GALNT13: variants seen among roughly 807,000 people sequenced by gnomAD.
GALNT13 encodes polypeptide N-acetylgalactosaminyltransferase 13.
A neutral mutation model predicts 64.2 loss-of-function variants in GALNT13; 28 were observed. That is an observed-to-expected ratio of 0.44 (90% confidence interval 0.32 to 0.60). The LOEUF (loss-of-function observed/expected upper bound fraction) is 0.60, where lower values mean the gene tolerates loss of function less well. Among genes scored for constraint, GALNT13 ranks in the 20% least tolerant of loss-of-function variants. The probability of loss-of-function intolerance (pLI) is 0.05; values close to 1 mark genes in which losing one functional copy is unlikely to be tolerated. For synonymous variants in GALNT13, 214 were observed against 224.6 expected (o/e 0.95, Z 0.42); for missense variants, 577 against 669.8 (o/e 0.86, Z 1.53).
the GALNT13 span, among the ~76,000 whole-genome samples, chr2:153,726,291 A>G: frequency 6.6e-6 from 1 of 152,170 alleles, no homozygotes; most frequent in Non-Finnish European, 1.5e-5. Context: ...ATGTTAAGTC[A>G]ACGCTGTCTT....
At chr2:154,060,166 T>G (rs6751984) in intron 3 of GALNT13, among the ~76,000 whole-genome samples, 113,635 of 151,852 alleles carry the variant, frequency 0.75, 42,898 homozygotes, top group East Asian at 0.96. Flanking sequence ...GAATTGAATT[T>G]CTAGCTCCTT....
chr2:153,768,378 T>A, the GALNT13 span, among the ~76,000 whole-genome samples: 69 of 152,200 alleles, frequency 4.5e-4, no homozygotes, highest in African/African-American at 1.7e-3. Context: ...TGTTTAGTGA[T>A]GTCACTGGGG....
intron 11 of GALNT13, among the ~76,000 whole-genome samples, chr2:154,428,844 C>T (rs898284328): frequency 6.6e-6 from 1 of 150,920 alleles, no homozygotes; most frequent in Non-Finnish European, 1.5e-5. Context: ...TGCAGTGGCG[C>T]GATCTCTGCT....
chr2:153,627,988 G>A, the GALNT13 span, among the ~76,000 whole-genome samples: 1 of 152,146 alleles, frequency 6.6e-6, no homozygotes, highest in Non-Finnish European at 1.5e-5. Flanking sequence ...CATGAGCATG[G>A]AATGTTCTTC....
At chr2:153,775,743 T>C in the GALNT13 span, among the ~76,000 whole-genome samples, 1 of 152,150 alleles carries the variant, frequency 6.6e-6, no homozygotes, top group South Asian at 2.1e-4. Context: ...TGTGCACTTA[T>C]TTAAGAGCAA....
chr2:154,139,211 T>C (rs1261394890), intron 3 of GALNT13, among the ~76,000 whole-genome samples: 3 of 152,090 alleles, frequency 2.0e-5, no homozygotes, highest in Non-Finnish European at 4.4e-5. Context: ...GTTTTGTGGC[T>C]ATGATGGTTG....
At chr2:153,677,393 A>G in the GALNT13 span, among the ~76,000 whole-genome samples, 1 of 151,994 alleles carries the variant, frequency 6.6e-6, no homozygotes, top group Non-Finnish European at 1.5e-5. Flanking sequence ...AACACTGCTT[A>G]AATAAATCAG....
At chr2:154,167,030 G>A (rs1685069490) in intron 4 of GALNT13, among the ~76,000 whole-genome samples, 1 of 152,058 alleles carries the variant, frequency 6.6e-6, no homozygotes, top group African/African-American at 2.4e-5. Context: ...TAATGTAAAT[G>A]ATGAGTTAAT....
chr2:153,092,517 C>T, the GALNT13 span, among the ~76,000 whole-genome samples: 1 of 152,096 alleles, frequency 6.6e-6, no homozygotes, highest in Non-Finnish European at 1.5e-5. Flanking sequence ...CAATTTCTTT[C>T]ATCAGTGTTT....
intron 4 of GALNT13, among the ~76,000 whole-genome samples, chr2:154,148,814 A>G (rs1683785178): frequency 6.6e-6 from 1 of 151,930 alleles, no homozygotes; most frequent in African/African-American, 2.4e-5. Flanking sequence ...TTCATTGTAG[A>G]TTGTGGATAT....
chr2:153,134,711 A>G, the GALNT13 span, among the ~76,000 whole-genome samples: 22 of 152,158 alleles, frequency 1.4e-4, 1 homozygote, highest in South Asian at 3.7e-3. Flanking sequence ...CTATGCTTCA[A>G]TATTCCCTCC....
At chr2:153,719,871 G>A in the GALNT13 span, among the ~76,000 whole-genome samples, 124 of 152,096 alleles carry the variant, frequency 8.2e-4, no homozygotes, top group Admixed American at 1.4e-3. Flanking sequence ...CAAGGCGGCA[G>A]CGAGGCTGGG....
chr2:154,381,081 A>G (rs1698248263), intron 9 of GALNT13, among the ~76,000 whole-genome samples: 1 of 152,070 alleles, frequency 6.6e-6, no homozygotes, highest in African/African-American at 2.4e-5. Context: ...CTGGATTAGA[A>G]GCAAGTCATA....
chr2:153,814,297 G>A, the GALNT13 span, among the ~76,000 whole-genome samples: 387 of 152,226 alleles, frequency 2.5e-3, 2 homozygotes, highest in African/African-American at 8.8e-3. Flanking sequence ...AAAATTAACT[G>A]GGCGCGGTGG....
chr2:153,291,039 A>C, the GALNT13 span, among the ~76,000 whole-genome samples: 1 of 152,134 alleles, frequency 6.6e-6, no homozygotes, highest in Non-Finnish European at 1.5e-5. Context: ...AAGTCTTAGC[A>C]AAAAAAGAAA....
chr2:153,384,134 T>C, the GALNT13 span, among the ~76,000 whole-genome samples: 1 of 152,044 alleles, frequency 6.6e-6, no homozygotes, highest in African/African-American at 2.4e-5. Context: ...ATGACTTCTC[T>C]CTCCACTCCT....
chr2:153,896,834 A>G (rs1687927169), intron 1 of GALNT13, among the ~76,000 whole-genome samples: 1 of 152,222 alleles, frequency 6.6e-6, no homozygotes, highest in Non-Finnish European at 1.5e-5. Flanking sequence ...TCCTAAATAT[A>G]AATGTCTAGA....
chr2:153,217,456 T>A, the GALNT13 span, among the ~76,000 whole-genome samples: 1 of 152,162 alleles, frequency 6.6e-6, no homozygotes, highest in African/African-American at 2.4e-5. Context: ...GATTTCATTA[T>A]GTGCATGTTA....
At chr2:153,875,745 A>G (rs962096322) in intron 1 of GALNT13, among the ~76,000 whole-genome samples, 1 of 152,190 alleles carries the variant, frequency 6.6e-6, no homozygotes, top group Non-Finnish European at 1.5e-5. Context: ...TAAAGTAGGA[A>G]TAGAATTAAG....
Sources: allele counts gnomAD v4.1 joint callset (sites outside exome capture counted in the v4.1 genomes callset), GRCh38; gene constraint gnomAD v4.1.1; transcripts MANE v1.5; gene names NCBI Gene and HGNC (gene_info 2026-07-23, HGNC 2026-07-21).